IPO4: variants seen among roughly 807,000 people sequenced by gnomAD.
The protein encoded by IPO4 is importin 4.
A neutral mutation model predicts 133.5 loss-of-function variants in IPO4; 91 were observed. That is an observed-to-expected ratio of 0.68 (90% CI 0.58 to 0.81). The LOEUF (loss-of-function observed/expected upper bound fraction) is 0.81. Among genes scored for constraint, IPO4 ranks in the 30% least tolerant of loss-of-function variants. IPO4 has a pLI of 0.00. For missense variants in IPO4, 1,279 were observed against 1,386.2 expected (o/e 0.92, Z 1.23); for synonymous variants, 607 against 581.6 (o/e 1.04, Z -0.63).
chr14:24,185,521 G>A lies in IPO4; in HGVS notation c.1216C>T (p.Pro406Ser), dbSNP rs747277431. The stretch of plus-strand genomic sequence containing the variant: ...GCAGCATTGCGTACAACTTGCGAGG[G>A]GTCCTCCAGGCCCTTGCACACAATC... ...LQIVCKGLEDPSQVVRNAALF... is the reference protein window; with the variant it reads ...LQIVCKGLEDSSQVVRNAALF... Residue 406 changes from proline (P) to serine (S), a missense_variant, in exon 13 of 30, where the codon CCC becomes TCC. Around this residue, in one of 3 missense-constraint regions of IPO4, gnomAD observed 695 missense variants for 704.1 expected, o/e 0.99. Transcript: ENST00000354464. 2 of 1,614,168 alleles carry A rather than the reference G, an allele frequency of 1.2e-6. No individual in the cohort carries two copies. Among genetic ancestry groups the A allele is most frequent in the Non-Finnish European group, 1.7e-6 (2 of 1,180,028 alleles).
At chr14:24,182,477 A>T in intron 24 of IPO4, 74 bp from the exon 25 acceptor site, 1 of 1,552,082 alleles carries the variant, frequency 6.4e-7, no homozygotes, top group Non-Finnish European at 8.7e-7. Flanking sequence ...ACGCTCTGCC[A>T]CCAGCTGCAG....
chr14:24,182,712 A>T, intron 24 of IPO4, 80 bp downstream of exon 24: 1 of 1,538,788 alleles, frequency 6.5e-7, no homozygotes, highest in Non-Finnish European at 9.0e-7. Flanking sequence ...CCCCAGGCCA[A>T]GCCCAAATAC....
chr14:24,180,892 G>T, intron 28 of IPO4, 134 bp from the exon 29 acceptor site: 1 of 653,832 alleles, frequency 1.5e-6, no homozygotes, highest in Non-Finnish European at 2.6e-6. Context: ...AGGCATCCAA[G>T]ACAACTATGA....
At position 24,180,762 on chromosome 14, in the gene IPO4, T is replaced by G. The variant is rs777980785; in HGVS notation, c.3046-4A>C. ...GCTCGGGAGCCACATCTATAACCTGTGAGGAAAGAGTGGCTGACTCAGGGC... is the reference window on the plus strand; with the variant it reads ...GCTCGGGAGCCACATCTATAACCTGGGAGGAAAGAGTGGCTGACTCAGGGC... On this transcript the variant is annotated splice_region_variant and splice_polypyrimidine_tract_variant and intron_variant, in intron 28 of 29. Transcript: ENST00000354464. The G allele has an allele frequency of 1.2e-6, 2 of 1,613,340 alleles. No homozygotes were observed. Among genetic ancestry groups the G allele is most frequent in the South Asian group, 2.2e-5 (2 of 91,032 alleles).
Position 24,181,936 on chromosome 14 carries a change from T to C in IPO4, c.2807+19A>G. 1.2e-6 allele frequency: 2 copies of C among 1,609,580 alleles called. No individual in the cohort carries two copies. The highest frequency in any genetic ancestry group is 1.7e-6 in the Non-Finnish European group (2 of 1,179,748). On this transcript the variant is annotated intron_variant, in intron 26 of 29. Transcript: ENST00000354464. ...CTCCCCCAACCTCCAGTCCCTCCCG[T>C]CCTGCGAGCCAAGGATACTCCTGGG... is the stretch of plus-strand genomic sequence containing the variant.
rs1277531950 is a variant in IPO4, at chr14:24,182,990, C to T, written c.2407G>A (p.Val803Met). Residue 803 changes from valine (V) to methionine (M), a missense_variant, in exon 23 of 30, where the codon GTG becomes ATG. By Grantham distance (21) the Val-to-Met change is conservative. Around this residue, in one of 3 missense-constraint regions of IPO4, gnomAD observed 575 missense variants for 653.4 expected, o/e 0.88. Transcript: ENST00000354464. ...GCCCTGCTCACCTTCCTCTGCAGCA[C>T]AGCCTTGAGCACGCCACAGAGCTCA... is the stretch of plus-strand genomic sequence containing the variant. ...LAELCGVLKA[V>M]LQRKTACQDT... is the part of the protein sequence containing the mutation. 1.2e-6 allele frequency: 2 copies of T among 1,613,120 alleles called. No homozygotes were observed. Among genetic ancestry groups the T allele is most frequent in the African/African-American group, 1.3e-5 (1 of 75,034 alleles).
At position 24,188,432 on chromosome 14, in the gene IPO4, A is replaced by G; in HGVS notation, c.157-9T>C. ...GCCGCAAACTGGCGGATCTAGGACGAGGAAGCAAGCACGTGGGGGTCCGGG... is the reference window on the plus strand; with the variant it reads ...GCCGCAAACTGGCGGATCTAGGACGGGGAAGCAAGCACGTGGGGGTCCGGG... On this transcript the variant is annotated splice_polypyrimidine_tract_variant and intron_variant, in intron 2 of 29. Transcript: ENST00000354464. 1 of 1,610,686 alleles carries G rather than the reference A, an allele frequency of 6.2e-7. No homozygotes were observed. The highest frequency in any genetic ancestry group is 8.5e-7 in the Non-Finnish European group (1 of 1,179,804).
chr14:24,183,972 G>GGGGGGGCC, intron 18 of IPO4, 26 bp downstream of exon 18: 26 of 1,572,976 alleles, frequency 1.7e-5, no homozygotes, highest in Middle Eastern at 1.7e-4. Flanking sequence ...GGCAGGCCTG[G>GGGGGGGCC]CCCAGCCCAC....
In IPO4 at chr14:24,183,015, A is replaced by G. The variant is rs2039164191; in HGVS notation, c.2382T>C (p.Ala794=). 1.9e-6 allele frequency: 3 copies of G among 1,613,672 alleles called. No individual in the cohort carries two copies. The highest frequency in any genetic ancestry group is 2.5e-6 in the Non-Finnish European group (3 of 1,179,936). ...TLTLKPPGRL[A]ELCGVLKAVL... is the part of the protein sequence containing the mutation. Reference sequence around the variant, plus strand: ...CAGCCTTGAGCACGCCACAGAGCTCAGCGAGGCGCCCAGGGGGCTTCAGTG... The same window carrying G: ...CAGCCTTGAGCACGCCACAGAGCTCGGCGAGGCGCCCAGGGGGCTTCAGTG... Residue 794 remains alanine (A), a synonymous_variant, in exon 23 of 30, where the codon GCT becomes GCC. Coordinates refer to ENST00000354464, the MANE Select transcript of IPO4 (RefSeq NM_024658.4).
At chr14:24,182,649 A>AGT in intron 24 of IPO4, 143 bp downstream of exon 24, 1 of 1,056,266 alleles carries the variant, frequency 9.5e-7, no homozygotes, top group Non-Finnish European at 1.5e-6. Flanking sequence ...GCTTAGTGGG[A>AGT]TCAGGGTTGT....
intron 4 of IPO4, chr14:24,188,000 G>T: frequency 1.3e-6 from 1 of 764,216 alleles, no homozygotes. Flanking sequence ...GTCTAACTTA[G>T]CCTGAATTTC....
At chr14:24,188,318 C>G in intron 3 of IPO4, 26 bp downstream of exon 3, 1 of 1,613,278 alleles carries the variant, frequency 6.2e-7, no homozygotes, top group African/African-American at 1.3e-5. Flanking sequence ...TCCGCCTGGC[C>G]CCGCCCCACC....
Position 24,183,903 on chromosome 14 carries a change from A to G in IPO4, c.1870-5T>C. The stretch of plus-strand genomic sequence containing the variant: ...GCTGCTCCCGTCATACTGAGGCTGG[A>G]GCGGAGGCACGGCAAGGACTTTGGC... On this transcript the variant is annotated splice_polypyrimidine_tract_variant and splice_region_variant and intron_variant, in intron 18 of 29. Coordinates refer to ENST00000354464, the MANE Select transcript of IPO4 (RefSeq NM_024658.4). The G allele has an allele frequency of 1.2e-6, 2 of 1,613,970 alleles. No homozygotes were observed. Among genetic ancestry groups the G allele is most frequent in the Non-Finnish European group, 1.7e-6 (2 of 1,180,006 alleles).
Position 24,186,471 on chromosome 14 carries a change from C to T in IPO4, c.841-20G>A. ...TAAGGCCTTGACAGAGAAGGTGGAA[C>T]AGTGTCCCTAAGAATCTGCTCCCAG... On this transcript the variant is annotated intron_variant, in intron 9 of 29. Transcript: ENST00000354464. The T allele has an allele frequency of 1.3e-6, 2 of 1,555,784 alleles. No individual in the cohort carries two copies. The highest frequency in any genetic ancestry group is 1.7e-6 in the Non-Finnish European group (2 of 1,148,576).
rs113822132 is a variant in IPO4 at position 24,187,409 on chromosome 14, A to G, written c.579T>C (p.Thr193=). ...AGGGCCCACATCTCACCACATCTTC[A>G]GTGCTGAGGTAGGGAGCCATGGTGG... The part of the protein sequence containing the change: ...TLTTMAPYLS[T]EDVPLARMLV... Residue 193 remains threonine (T), a synonymous_variant, in exon 6 of 30, where the codon ACT becomes ACC. Transcript: ENST00000354464. The G allele has an allele frequency of 3.7e-6, 6 of 1,614,052 alleles. No individual in the cohort carries two copies. Among genetic ancestry groups the G allele is most frequent in the African/African-American group, 1.3e-5 (1 of 75,038 alleles).
intron 28 of IPO4, 106 bp from the exon 29 acceptor site, chr14:24,180,864 C>T (rs2039125705): frequency 1.2e-6 from 1 of 831,100 alleles, no homozygotes; most frequent in Admixed American, 2.7e-5. Context: ...GGGGTGGTTG[C>T]ACCTGGTACT....
Position 24,182,330 on chromosome 14 carries a change from T to A in IPO4, c.2546A>T (p.Asp849Val), listed in dbSNP as rs1333239463. The change falls in exon 25 of 30, where the codon GAC becomes GTC. Residue 849 changes from aspartate (D) to valine (V), a missense_variant. Coordinates refer to ENST00000354464, the MANE Select transcript of IPO4 (RefSeq NM_024658.4). ...IPALAAAAGG[D>V]SFAPFFAGFL... ...ACCGGCAAAGAATGGGGCAAAGGAGTCTCCCCCAGCCGCGGCTGCCAGGGC... is the reference window on the plus strand; with the variant it reads ...ACCGGCAAAGAATGGGGCAAAGGAGACTCCCCCAGCCGCGGCTGCCAGGGC... The A allele has an allele frequency of 6.2e-7, 1 of 1,612,776 alleles. No homozygotes were observed. The highest frequency in any genetic ancestry group is 2.2e-5 in the East Asian group (1 of 44,818).
At chr14:24,185,155 T>C (rs2039200749) in intron 14 of IPO4, 28 bp downstream of exon 14, 2 of 1,613,212 alleles carry the variant, frequency 1.2e-6, no homozygotes, top group Non-Finnish European at 1.7e-6. Context: ...TCATCCCCCT[T>C]CCCCAAGCTC....
rs1335727679 is a variant in IPO4 at position 24,188,382 on chromosome 14, G to A, written c.198C>T (p.Asn66=). ...FAAVLTRRRL[N]TRWRRLAAEQ... is the part of the protein sequence containing the mutation. ...CCGCCGCCAGCCGTCGCCAGCGGGTGTTCAGTCGTCTGCGGGTCAGCACGG... is the reference window on the plus strand; with the variant it reads ...CCGCCGCCAGCCGTCGCCAGCGGGTATTCAGTCGTCTGCGGGTCAGCACGG... The change falls in exon 3 of 30, where the codon AAC becomes AAT. Residue 66 remains asparagine, a synonymous_variant. Transcript: ENST00000354464. 4 of 1,613,184 alleles carry A rather than the reference G, an allele frequency of 2.5e-6. No homozygotes were observed. Among genetic ancestry groups the A allele is most frequent in the South Asian group, 1.1e-5 (1 of 91,078 alleles).
Sources: gnomAD v4.1 joint callset for allele counts on GRCh38, gnomAD v4.1.1 for gene constraint, gnomAD v4.1.1 regional missense constraint, MANE v1.5 for transcripts, NCBI Gene and HGNC (gene_info 2026-07-23, HGNC 2026-07-21) for gene names.